MACROD1: variants seen among roughly 807,000 people sequenced by gnomAD.
MACROD1 encodes the protein ADP-ribose glycohydrolase MACROD1.
A neutral mutation model predicts 41.4 loss-of-function variants in MACROD1; 31 were observed. The observed-to-expected ratio is 0.75, with a 90% CI of 0.56 to 1.01. The LOEUF is 1.01. Among genes scored for constraint, MACROD1 ranks in the 50% least tolerant of loss-of-function variants. The pLI is 0.00. For synonymous variants in MACROD1, 252 were observed against 203.4 expected (o/e 1.24, Z -2.03); for missense variants, 473 against 460.0 (o/e 1.03, Z -0.26).
intron 3 of MACROD1, among the ~76,000 whole-genome samples, chr11:64,076,616 A>G (rs1214535747): frequency 6.6e-6 from 1 of 152,168 alleles, no homozygotes; most frequent in Non-Finnish European, 1.5e-5. Flanking sequence ...TACTATCATT[A>G]TCTCCATTTT....
chr11:64,158,768 G>A (rs975484250), intron 1 of MACROD1, among the ~76,000 whole-genome samples: 5 of 152,160 alleles, frequency 3.3e-5, no homozygotes, highest in African/African-American at 9.7e-5. Context: ...GCCAGATACC[G>A]ACAAGGGCCC....
At chr11:64,094,559 CCT>C (rs1196146190) in intron 3 of MACROD1, among the ~76,000 whole-genome samples, 1 of 152,162 alleles carries the variant, frequency 6.6e-6, no homozygotes, top group Admixed American at 6.5e-5. Context: ...GTGAAGGCCT[CCT>C]GAGTCATCCA....
chr11:64,032,612 C>T lies in MACROD1; in HGVS notation c.518-17331G>A, dbSNP rs184355381. 1.2e-3 allele frequency among the ~76,000 whole-genome samples: 179 copies of T among 152,248 alleles called. 1 individual carries two copies. The highest frequency in any genetic ancestry group is 4.2e-3 in the African/African-American group (173 of 41,532). ...GCTCAAGGTTGAACCTACAAATCATCGCCAGGTGACTTGAGCTGCCCTTGC... is the reference window on the plus strand; with the variant it reads ...GCTCAAGGTTGAACCTACAAATCATTGCCAGGTGACTTGAGCTGCCCTTGC... On this transcript the variant is annotated intron_variant, in intron 3 of 10. Transcript: ENST00000255681.
At chr11:64,025,410 C>T (rs1356555960) in intron 3 of MACROD1, among the ~76,000 whole-genome samples, 1 of 152,204 alleles carries the variant, frequency 6.6e-6, no homozygotes, top group African/African-American at 2.4e-5. Context: ...GGCGGCTCCT[C>T]AGCTGCCCCT....
intron 5 of MACROD1, 145 bp from the exon 6 acceptor site, chr11:63,999,908 T>G: frequency 3.1e-6 from 3 of 976,830 alleles, no homozygotes; most frequent in Non-Finnish European, 4.4e-6. Context: ...CCCACCCCTG[T>G]GGGCCCCCTC....
chr11:64,148,029 A>G (rs1197202312), intron 3 of MACROD1, among the ~76,000 whole-genome samples: 2 of 151,910 alleles, frequency 1.3e-5, no homozygotes, highest in Non-Finnish European at 2.9e-5. Flanking sequence ...GTGAGCTACT[A>G]CGTCCCGCCC....
At chr11:64,057,485 G>A (rs545972097) in intron 3 of MACROD1, among the ~76,000 whole-genome samples, 1 of 152,342 alleles carries the variant, frequency 6.6e-6, no homozygotes, top group African/African-American at 2.4e-5. Context: ...GCCCCAGCCA[G>A]CCAGGAAGGC....
chr11:64,042,861 C>A (rs1041287791), intron 3 of MACROD1, among the ~76,000 whole-genome samples: 1 of 152,204 alleles, frequency 6.6e-6, no homozygotes, highest in African/African-American at 2.4e-5. Flanking sequence ...TAGTGCCACA[C>A]CCCAGTTTCC....
chr11:64,044,972 C>T (rs1239514364), intron 3 of MACROD1, among the ~76,000 whole-genome samples: 2 of 152,166 alleles, frequency 1.3e-5, no homozygotes, highest in Non-Finnish European at 2.9e-5. Context: ...CAGGGAAGGC[C>T]TCATAGGGTA....
chr11:64,098,029 G>A (rs1339019913), intron 3 of MACROD1, among the ~76,000 whole-genome samples: 3 of 152,284 alleles, frequency 2.0e-5, no homozygotes, highest in East Asian at 1.9e-4. Flanking sequence ...ACCCCTCACT[G>A]TATGAGGTCC....
At chr11:64,150,675 C>A (rs935562228) in intron 3 of MACROD1, among the ~76,000 whole-genome samples, 1 of 152,220 alleles carries the variant, frequency 6.6e-6, no homozygotes, top group Non-Finnish European at 1.5e-5. Context: ...TAGCAGCCCC[C>A]TTCCTCCCTC....
chr11:64,117,661 G>C, intron 3 of MACROD1: 1 of 1,613,688 alleles, frequency 6.2e-7, no homozygotes, highest in Non-Finnish European at 8.5e-7. Flanking sequence ...TCCTCTTTCC[G>C]GCTCAGTTGG....
chr11:64,145,773 T>C (rs901230905), intron 3 of MACROD1, among the ~76,000 whole-genome samples: 1 of 152,012 alleles, frequency 6.6e-6, no homozygotes, highest in Non-Finnish European at 1.5e-5. Context: ...GGATTTTTCT[T>C]TTTTTTTGAG....
rs1483699253 is a variant in MACROD1, at chr11:64,146,967, C to T, written c.517+4272G>A. ...GACCTCACACACACACCATCACACA[C>T]ATCCCAATCACATCTCATAGCCCAA... On this transcript the variant is annotated intron_variant, in intron 3 of 10. Coordinates refer to ENST00000255681, the MANE Select transcript of MACROD1 (RefSeq NM_014067.4). This position sits in a 1 kb window ranked among gnomAD's most constrained non-coding sequence, Gnocchi z 4.7. Among the ~76,000 whole-genome samples the T allele has an allele frequency of 1.3e-5, 2 of 152,176 alleles. No individual in the cohort carries two copies. The highest frequency in any genetic ancestry group is 2.1e-4 in the South Asian group (1 of 4,832).
At chr11:64,134,785 T>C (rs1945310362) in intron 3 of MACROD1, among the ~76,000 whole-genome samples, 1 of 152,230 alleles carries the variant, frequency 6.6e-6, no homozygotes, top group South Asian at 2.1e-4. Context: ...TTACTGGCCA[T>C]TTGTTTTTCT....
Position 64,117,525 on chromosome 11 carries a change from C to T in MACROD1, c.517+33714G>A, listed in dbSNP as rs766685302. On this transcript the variant is annotated intron_variant, in intron 3 of 10. Transcript: ENST00000255681. ...CCTCAAGGCCAAAAGGCCAGGGCTG[C>T]GCCTCCCCGACTCCAACATTGACTA... 1.1e-5 allele frequency: 17 copies of T among 1,603,360 alleles called. No homozygotes were observed. The East Asian group carries it at 1.3e-4, about 13-fold the overall frequency.
intron 3 of MACROD1, among the ~76,000 whole-genome samples, chr11:64,129,558 G>C (rs909825166): frequency 6.6e-6 from 1 of 152,212 alleles, no homozygotes; most frequent in Non-Finnish European, 1.5e-5. Flanking sequence ...TGGCCCCCAG[G>C]GATGGAGCCA....
intron 3 of MACROD1, among the ~76,000 whole-genome samples, chr11:64,038,499 G>A (rs889228039): frequency 1.3e-5 from 2 of 152,194 alleles, no homozygotes; most frequent in African/African-American, 4.8e-5. Flanking sequence ...ACGGAGAGGT[G>A]GGTGTAGAGC....
Position 64,122,300 on chromosome 11 carries a change from C to G in MACROD1, c.517+28939G>C, listed in dbSNP as rs1254971131. Reference sequence around the variant, plus strand: ...GGTGCATGCGGCGGCCAGGGGCCTCCCTGACACAGGGCCAGGATGCAGGTC... The same window carrying G: ...GGTGCATGCGGCGGCCAGGGGCCTCGCTGACACAGGGCCAGGATGCAGGTC... On this transcript the variant is annotated intron_variant, in intron 3 of 10. Transcript: ENST00000255681. The surrounding 1 kb of genome is among the most constrained non-coding windows in gnomAD (Gnocchi z 4.0). 2.0e-5 allele frequency among the ~76,000 whole-genome samples: 3 copies of G among 152,230 alleles called. No individual in the cohort carries two copies. The highest frequency in any genetic ancestry group is 4.4e-5 in the Non-Finnish European group (3 of 68,036).
Sources: allele counts gnomAD v4.1 joint callset (sites outside exome capture counted in the v4.1 genomes callset), GRCh38; gene constraint gnomAD v4.1.1; non-coding constraint Gnocchi (gnomAD v3.1); transcripts MANE v1.5; gene names NCBI Gene and HGNC (gene_info 2026-07-23, HGNC 2026-07-21).